ELP6: variants seen among roughly 807,000 people sequenced by gnomAD.
ELP6 encodes elongator acetyltransferase complex subunit 6, also known as elongator complex protein 6.
A neutral mutation model predicts 28.1 loss-of-function variants in ELP6; 23 were observed. The observed-to-expected ratio is 0.82, with a 90% confidence interval of 0.59 to 1.16. ELP6 has a LOEUF of 1.16. ELP6 is among the 50% of genes most tolerant of loss of function. The probability of loss-of-function intolerance (pLI) is 0.00; values close to 1 mark genes in which losing one functional copy is unlikely to be tolerated. For missense variants in ELP6, 313 were observed against 334.6 expected, an observed-to-expected ratio of 0.94 and a Z score of 0.50; for synonymous variants, 132 against 135.8, an observed-to-expected ratio of 0.97 and a Z score of 0.19.
At chr3:47,508,752 G>C (rs1041065236) in intron 3 of ELP6, among the ~76,000 whole-genome samples, 2 of 148,282 alleles carry the variant, frequency 1.3e-5, no homozygotes, top group African/African-American at 5.0e-5. Context: ...ATCTCTGGGA[G>C]ATTTTTTTTT....
intron 3 of ELP6, chr3:47,509,927 A>G (rs997404292): frequency 6.7e-6 from 2 of 298,104 alleles, no homozygotes; most frequent in Non-Finnish European, 1.3e-5. Context: ...ACGCCCAGCT[A>G]ATTTTTGTAT....
chr3:47,503,571 A>G (rs1424900276), intron 4 of ELP6: 4 of 500,074 alleles, frequency 8.0e-6, no homozygotes, highest in African/African-American at 2.0e-5. Flanking sequence ...ACGTGGCTGT[A>G]TTCCAATAAA....
At chr3:47,501,594 C>G in intron 5 of ELP6, 56 bp downstream of exon 5, 1 of 1,550,404 alleles carries the variant, frequency 6.4e-7, no homozygotes, top group Non-Finnish European at 8.9e-7. Flanking sequence ...AGGTCTGGAC[C>G]TGTCTGAGTT....
rs760033103 is a variant in ELP6, at chr3:47,501,808, G to T, written c.367C>A (p.Arg123=). 1 of 1,613,764 alleles carries T rather than the reference G, an allele frequency of 6.2e-7. No homozygotes were observed. Among genetic ancestry groups the T allele is most frequent in the South Asian group, 1.1e-5 (1 of 91,056 alleles). The part of the protein sequence containing the change: ...GNLKPLFEFV[R]EALKPVDSGE... ...CTGTCTACTGGCTTCAGGGCCTCCC[G>T]TACAAACTCAAACAATGGTTTCAAG... Residue 123 remains arginine (R), a synonymous_variant, in exon 5 of 7, where the codon CGG becomes AGG. Transcript: ENST00000296149.
chr3:47,507,714 T>TCA (rs1708883087), intron 3 of ELP6, among the ~76,000 whole-genome samples: 2 of 151,962 alleles, frequency 1.3e-5, no homozygotes, highest in South Asian at 4.1e-4. Context: ...AATTGCTCAT[T>TCA]CACACACAAA....
intron 5 of ELP6, among the ~76,000 whole-genome samples, chr3:47,499,177 T>C (rs777255724): frequency 1.3e-5 from 2 of 152,158 alleles, no homozygotes; most frequent in African/African-American, 2.4e-5. Context: ...AGGAGTTCAA[T>C]GCCAGCCCAG....
chr3:47,495,938 T>A lies in ELP6; in HGVS notation c.*131A>T. ...ATGCCATCACTGCAGCACTCAACCC[T>A]CTGGTCACAGTGGAGTCGCCGGTCC... is the stretch of plus-strand genomic sequence containing the variant. On this transcript the variant is annotated 3_prime_UTR_variant, in exon 7 of 7. Coordinates refer to ENST00000296149, the MANE Select transcript of ELP6 (RefSeq NM_001031703.3). 6.6e-7 allele frequency: 1 copy of A among 1,509,384 alleles called. No homozygotes were observed. The highest frequency in any genetic ancestry group is 1.2e-5 in the South Asian group (1 of 84,000). 93.5% of individuals were successfully genotyped at this position (1,509,384 alleles called of 1,614,324 possible).
At chr3:47,497,885 C>T (rs775957761) in intron 6 of ELP6, 59 of 891,836 alleles carry the variant, frequency 6.6e-5, no homozygotes, top group Non-Finnish European at 7.7e-5. Flanking sequence ...GAGCCAAGAT[C>T]GCGCCACTGC....
chr3:47,507,948 AGT>A (rs775067066), intron 3 of ELP6, among the ~76,000 whole-genome samples: 54,377 of 152,000 alleles, frequency 0.36, 10,056 homozygotes, highest in Middle Eastern at 0.48. Flanking sequence ...TAAAAGAAAA[AGT>A]AGCCAGTTTA....
At chr3:47,509,844 C>G (rs1171075008) in intron 3 of ELP6, 1 of 171,612 alleles carries the variant, frequency 5.8e-6, no homozygotes, top group African/African-American at 2.4e-5. Context: ...TCACTGCAAC[C>G]TCTGGCTCCC....
rs935755266 is a variant in ELP6, at chr3:47,495,951, G to A, written c.*118C>T. ...AGCACTCAACCCTCTGGTCACAGTG[G>A]AGTCGCCGGTCCAGCCTGAAATATT... On this transcript the variant is annotated 3_prime_UTR_variant, in exon 7 of 7. Transcript: ENST00000296149. 6.4e-7 allele frequency: 1 copy of A among 1,554,232 alleles called. No homozygotes were observed. The highest frequency in any genetic ancestry group is 1.9e-5 in the Admixed American group (1 of 52,776).
At chr3:47,513,195 T>C in intron 1 of ELP6, 1 of 1,068,948 alleles carries the variant, frequency 9.4e-7, no homozygotes, top group Non-Finnish European at 1.1e-6. Flanking sequence ...TTTCACCATC[T>C]TGGCCAGACT....
intron 3 of ELP6, 34 bp downstream of exon 3, chr3:47,510,150 C>G (rs1475032969): frequency 6.5e-7 from 1 of 1,526,958 alleles, no homozygotes; most frequent in African/African-American, 1.4e-5. Context: ...CACACTCACT[C>G]AGGGACCTCA....
At chr3:47,496,764 G>C (rs905184988) in intron 6 of ELP6, 1 of 983,672 alleles carries the variant, frequency 1.0e-6, no homozygotes, top group African/African-American at 1.7e-5. Context: ...AAAGTGCTGG[G>C]ATTACAGGCG....
chr3:47,497,694 G>C (rs375292865), intron 6 of ELP6, among the ~76,000 whole-genome samples: 3 of 151,778 alleles, frequency 2.0e-5, no homozygotes, highest in South Asian at 4.2e-4. Flanking sequence ...GGAAGCAAAG[G>C]GGGGTGGGGG....
At chr3:47,499,625 A>G in intron 5 of ELP6, 1 of 423,902 alleles carries the variant, frequency 2.4e-6, no homozygotes, top group Non-Finnish European at 3.1e-6. Context: ...TGGAGGTTGC[A>G]GTGAGCCAAG....
At chr3:47,511,968 C>T (rs1230090783) in intron 1 of ELP6, 3 of 983,082 alleles carry the variant, frequency 3.1e-6, no homozygotes, top group Non-Finnish European at 3.6e-6. Flanking sequence ...AAGATCACAT[C>T]GTCAGACCTT....
Position 47,498,106 on chromosome 3 carries a change from A to G in ELP6, c.672+180T>C, listed in dbSNP as rs776974716. On this transcript the variant is annotated intron_variant, in intron 6 of 6. Transcript: ENST00000296149. ...CCCCATGGAAAACGTGGGCTGGTCC[A>G]TGAGGCTAAGCGCAATCTGGAGCAG... 2.8e-5 allele frequency: 39 copies of G among 1,368,532 alleles called. No homozygotes were observed. In the Admixed American group the frequency reaches 6.8e-4, roughly 24 times the overall value. 84.8% of individuals were successfully genotyped at this position (1,368,532 alleles called of 1,614,324 possible). A position where few individuals can be genotyped will look rare whatever the true frequency, so the allele number is the denominator to read the frequency against.
chr3:47,500,227 A>T, intron 5 of ELP6: 4 of 1,079,454 alleles, frequency 3.7e-6, no homozygotes, highest in Non-Finnish European at 4.5e-6. Context: ...AAATGAAAAA[A>T]AGAAGTAGCG....
Sources: gnomAD v4.1 joint callset for allele counts (sites outside exome capture counted in the v4.1 genomes callset) on GRCh38, gnomAD v4.1.1 for gene constraint, MANE v1.5 for transcripts, NCBI Gene and HGNC (gene_info 2026-07-23, HGNC 2026-07-21) for gene names.